The following PIWIL1 variants were observed in gnomAD, a reference collection of about 807,000 sequenced individuals.
The protein encoded by PIWIL1 is piwi like RNA-mediated gene silencing 1, also known as piwi-like protein 1.
In PIWIL1, 73 loss-of-function variants were observed where a neutral mutation model predicts 114.4. The ratio of observed to expected loss-of-function variants is 0.64; its 90% confidence interval spans 0.53 to 0.78. The LOEUF (loss-of-function observed/expected upper bound fraction) is 0.78. Ranked by LOEUF, PIWIL1 falls within the 30% of genes least tolerant of loss-of-function variation. PIWIL1 has a pLI of 0.00. For synonymous variants in PIWIL1, 375 were observed against 369.0 expected, an observed-to-expected ratio of 1.02 and a Z score of -0.19; for missense variants, 723 against 1,063.1, an observed-to-expected ratio of 0.68 and a Z score of 4.45.
Position 130,367,021 on chromosome 12 carries a change from C to T in PIWIL1, c.2196-112C>T, listed in dbSNP as rs929716315. Reference sequence around the variant, plus strand: ...TTCTCCACAACCTGGACAGATGATACGCCCCAGGAGGGATGTGTTCCTTTT... The same window carrying T: ...TTCTCCACAACCTGGACAGATGATATGCCCCAGGAGGGATGTGTTCCTTTT... On this transcript the variant is annotated intron_variant, in intron 18 of 20. Coordinates refer to ENST00000245255, the MANE Select transcript of PIWIL1 (RefSeq NM_004764.5). 9.2e-5 allele frequency: 111 copies of T among 1,208,630 alleles called. No individual in the cohort carries two copies. The African/African-American group carries it at 1.2e-3, about 13-fold the overall frequency. The allele number at this position is 1,208,630 out of a possible 1,614,324, so 74.9% of individuals were successfully genotyped here.
downstream of PIWIL1, among the ~76,000 whole-genome samples, chr12:130,373,907 A>G (rs142593064): frequency 9.5e-4 from 145 of 152,170 alleles, no homozygotes; most frequent in Middle Eastern, 3.4e-3. Flanking sequence ...TGAAATCCCA[A>G]TTTCTCCTTT....
chr12:130,343,777 C>G (rs1429022016), intron 3 of PIWIL1, among the ~76,000 whole-genome samples: 1 of 152,080 alleles, frequency 6.6e-6, no homozygotes, highest in Non-Finnish European at 1.5e-5. Context: ...AGGCGCCCAC[C>G]ACTGCGCCCA....
intron 1 of PIWIL1, among the ~76,000 whole-genome samples, chr12:130,339,184 GCCGGGCTCTGCGAGGC>G (rs1198095480): frequency 2.0e-5 from 3 of 152,092 alleles, no homozygotes; most frequent in African/African-American, 7.2e-5. Flanking sequence ...GACCGCGACG[GCCGGGCTCTGCGAGGC>G]CCGGGGGTCC....
chr12:130,413,028 C>A, the PIWIL1 span, among the ~76,000 whole-genome samples: 1 of 152,208 alleles, frequency 6.6e-6, no homozygotes, highest in East Asian at 1.9e-4. Flanking sequence ...TGCCATTCTT[C>A]TCATCAGGCA....
the PIWIL1 span, among the ~76,000 whole-genome samples, chr12:130,388,189 C>T: frequency 6.6e-6 from 1 of 152,188 alleles, no homozygotes; most frequent in Non-Finnish European, 1.5e-5. Flanking sequence ...TCATAGTTTG[C>T]TGCAGCCTCA....
chr12:130,355,731 G>A, intron 12 of PIWIL1, 64 bp downstream of exon 12: 1 of 1,145,006 alleles, frequency 8.7e-7, no homozygotes, highest in African/African-American at 1.5e-5. Flanking sequence ...TGTCCCCCAG[G>A]CAGGAGTACA....
rs1213011870 is a variant in PIWIL1 at position 130,361,471 on chromosome 12, TCTAAAATTAC to T, written c.1867-25_1867-16del. The T allele has an allele frequency of 6.2e-7, 1 of 1,612,114 alleles. No homozygotes were observed. The highest frequency in any genetic ancestry group is 1.3e-5 in the African/African-American group (1 of 74,904). The stretch of plus-strand genomic sequence containing the variant: ...TAAATGTTGCTGGTACTCCATTGTA[TCTAAAATTAC>T]CATATTTGTATTGAAGCTGAAGCTC... On this transcript the variant is annotated splice_polypyrimidine_tract_variant and intron_variant, in intron 15 of 20. Coordinates refer to ENST00000245255, the MANE Select transcript of PIWIL1 (RefSeq NM_004764.5).
intron 19 of PIWIL1, among the ~76,000 whole-genome samples, chr12:130,368,097 C>T (rs987129856): frequency 2.6e-5 from 4 of 152,106 alleles, no homozygotes; most frequent in Admixed American, 2.0e-4. Context: ...CACGCCCAGC[C>T]GAAACTTGTT....
In PIWIL1 at chr12:130,345,876, CAGGT is replaced by C; in HGVS notation, c.316+3_316+6del. 1 of 1,612,968 alleles carries C rather than the reference CAGGT, an allele frequency of 6.2e-7. No homozygotes were observed. The highest frequency in any genetic ancestry group is 8.5e-7 in the Non-Finnish European group (1 of 1,179,568). On this transcript the variant is annotated splice_donor_variant and coding_sequence_variant, in exon 4 of 21. Coordinates refer to ENST00000245255, the MANE Select transcript of PIWIL1 (RefSeq NM_004764.5). LOFTEE classifies it high-confidence loss of function. The stretch of plus-strand genomic sequence containing the variant: ...CTAGACCATGTTAAAGAATCAAAAA[CAGGT>C]AGGTTAATTAAGAATAAGTTTTGTG...
At chr12:130,407,626 G>C in the PIWIL1 span, 1 of 936,978 alleles carries the variant, frequency 1.1e-6, no homozygotes, top group South Asian at 1.3e-5. Context: ...TCGGAGAGAA[G>C]GAATGAGGAG....
At chr12:130,403,145 A>G in the PIWIL1 span, among the ~76,000 whole-genome samples, 1 of 152,212 alleles carries the variant, frequency 6.6e-6, no homozygotes, top group Non-Finnish European at 1.5e-5. Flanking sequence ...GTTTAAGGTT[A>G]CAGATATCAA....
chr12:130,402,049 C>A, the PIWIL1 span, among the ~76,000 whole-genome samples: 1 of 152,194 alleles, frequency 6.6e-6, no homozygotes, highest in Admixed American at 6.5e-5. Context: ...TGCTCTTGTT[C>A]TTTTGGGCTG....
intron 18 of PIWIL1, among the ~76,000 whole-genome samples, chr12:130,365,921 TCGCTGGGCAGC>T (rs1395519130): frequency 6.6e-6 from 1 of 152,250 alleles, no homozygotes; most frequent in Non-Finnish European, 1.5e-5. Flanking sequence ...GCACGGGCAG[TCGCTGGGCAGC>T]AGTAGTCTGC....
At chr12:130,384,509 G>A in the PIWIL1 span, among the ~76,000 whole-genome samples, 6,635 of 152,200 alleles carry the variant, frequency 0.044, 194 homozygotes, top group Middle Eastern at 0.085. Context: ...ACAAAATGAT[G>A]TTCACCCATA....
chr12:130,402,512 C>T, the PIWIL1 span, among the ~76,000 whole-genome samples: 1 of 152,144 alleles, frequency 6.6e-6, no homozygotes, highest in African/African-American at 2.4e-5. Flanking sequence ...TCCCATCCCC[C>T]TTCAAAAGTG....
chr12:130,373,718 T>C (rs191401398), downstream of PIWIL1, among the ~76,000 whole-genome samples: 1 of 152,222 alleles, frequency 6.6e-6, no homozygotes, highest in East Asian at 1.9e-4. Context: ...TTTTGGCAAA[T>C]GCTAGTTGAA....
the PIWIL1 span, among the ~76,000 whole-genome samples, chr12:130,410,383 A>G: frequency 6.6e-6 from 1 of 152,214 alleles, no homozygotes; most frequent in African/African-American, 2.4e-5. Flanking sequence ...GTGAAGCCTA[A>G]CATTGACTTT....
chr12:130,412,800 G>T, the PIWIL1 span: 1 of 1,601,928 alleles, frequency 6.2e-7, no homozygotes, highest in Non-Finnish European at 8.5e-7. Flanking sequence ...AGAGCCAAGG[G>T]GGAAAATAAA....
chr12:130,362,985 T>C lies in PIWIL1; in HGVS notation c.2042-6T>C, dbSNP rs764643811. The C allele has an allele frequency of 2.5e-6, 4 of 1,613,566 alleles. No homozygotes were observed. Among genetic ancestry groups the C allele is most frequent in the Non-Finnish European group, 3.4e-6 (4 of 1,179,576 alleles). On this transcript the variant is annotated splice_polypyrimidine_tract_variant and splice_region_variant and intron_variant, in intron 17 of 20. Coordinates refer to ENST00000245255, the MANE Select transcript of PIWIL1 (RefSeq NM_004764.5). ...ATTGACATAAAACTTCTCTGGCCTG[T>C]TTCAGCGGCTCTGAGGGCTTGGAAT...
Sources: allele counts gnomAD v4.1 joint callset (sites outside exome capture counted in the v4.1 genomes callset), GRCh38; gene constraint gnomAD v4.1.1; transcripts MANE v1.5; gene names NCBI Gene and HGNC (gene_info 2026-07-23, HGNC 2026-07-21).